ESRRB: variants seen among roughly 807,000 people sequenced by gnomAD.
ESRRB encodes steroid hormone receptor ERR2.
A neutral mutation model predicts 46.0 loss-of-function variants in ESRRB; 16 were observed. The observed-to-expected ratio is 0.35, with a 90% confidence interval of 0.24 to 0.53. The LOEUF (loss-of-function observed/expected upper bound fraction) is 0.53, where lower values mean the gene tolerates loss of function less well. Among genes scored for constraint, ESRRB ranks in the 20% least tolerant of loss-of-function variants. The pLI is 0.93. For missense variants in ESRRB, 488 were observed against 607.4 expected (o/e 0.80, Z 2.07); for synonymous variants, 246 against 259.6 (o/e 0.95, Z 0.50).
intron 1 of ESRRB, among the ~76,000 whole-genome samples, chr14:76,429,738 A>G (rs1887357717): frequency 1.3e-5 from 2 of 152,200 alleles, no homozygotes; most frequent in Non-Finnish European, 2.9e-5. Flanking sequence ...CAACAAGAGT[A>G]AAACTCTGTC....
intron 1 of ESRRB, among the ~76,000 whole-genome samples, chr14:76,354,037 C>T (rs1015187073): frequency 6.6e-6 from 1 of 152,140 alleles, no homozygotes; most frequent in Non-Finnish European, 1.5e-5. Context: ...CAGCCTGACT[C>T]CAAGCCTATG....
chr14:76,484,793 T>G (rs1889939942), intron 5 of ESRRB, among the ~76,000 whole-genome samples: 1 of 152,240 alleles, frequency 6.6e-6, no homozygotes, highest in African/African-American at 2.4e-5. Context: ...AGCCTGGGCT[T>G]TCATCTCAGC....
At chr14:76,477,680 G>A (rs1201950664) in intron 3 of ESRRB, among the ~76,000 whole-genome samples, 3 of 152,230 alleles carry the variant, frequency 2.0e-5, no homozygotes, top group Non-Finnish European at 4.4e-5. Context: ...CAGGAAGCAA[G>A]GGGAACAGAC....
chr14:76,323,925 A>G (rs572137456), intron 1 of ESRRB, among the ~76,000 whole-genome samples: 1 of 152,268 alleles, frequency 6.6e-6, no homozygotes, highest in East Asian at 1.9e-4. Context: ...TCTTCATCTG[A>G]CGAAGGCATG....
intron 2 of ESRRB, among the ~76,000 whole-genome samples, chr14:76,458,452 AC>A (rs1888708987): frequency 3.2e-5 from 3 of 93,320 alleles, no homozygotes; most frequent in African/African-American, 1.2e-4. Flanking sequence ...ACACACACAC[AC>A]ACACACACAC....
intron 2 of ESRRB, among the ~76,000 whole-genome samples, chr14:76,442,763 CAG>C (rs555651852): frequency 1.3e-5 from 2 of 151,076 alleles, no homozygotes; most frequent in African/African-American, 4.8e-5. Context: ...TAACAGGACT[CAG>C]ATTATTTTAG....
At chr14:76,338,819 T>C (rs2139748604) in intron 1 of ESRRB, among the ~76,000 whole-genome samples, 1 of 152,246 alleles carries the variant, frequency 6.6e-6, no homozygotes, top group South Asian at 2.1e-4. Context: ...TGTGGTGGCC[T>C]GTAATCCCAG....
intron 5 of ESRRB, among the ~76,000 whole-genome samples, chr14:76,490,891 T>C (rs576116392): frequency 6.6e-6 from 1 of 152,298 alleles, no homozygotes; most frequent in South Asian, 2.1e-4. Flanking sequence ...CCCCAGGCTA[T>C]GGTCACTGGG....
chr14:76,389,842 T>G (rs1344117838), intron 1 of ESRRB, among the ~76,000 whole-genome samples: 1 of 152,188 alleles, frequency 6.6e-6, no homozygotes, highest in African/African-American at 2.4e-5. Context: ...ACTCCTCACT[T>G]CCTCATATCT....
chr14:76,355,104 C>T (rs182970790), intron 1 of ESRRB, among the ~76,000 whole-genome samples: 4 of 152,180 alleles, frequency 2.6e-5, no homozygotes, highest in African/African-American at 7.2e-5. Context: ...AGATGTCACC[C>T]TTTGGGTATA....
At chr14:76,434,235 G>A (rs1887573534) in intron 1 of ESRRB, among the ~76,000 whole-genome samples, 1 of 152,202 alleles carries the variant, frequency 6.6e-6, no homozygotes, top group Non-Finnish European at 1.5e-5. Flanking sequence ...CAGAGGGTCT[G>A]GCCTCTCCAG....
In ESRRB at chr14:76,339,745, G is replaced by A. The variant is rs151280753; in HGVS notation, c.2+28829G>A. Among the ~76,000 whole-genome samples the A allele has an allele frequency of 8.8e-3, 1,347 of 152,292 alleles. 28 individuals carry two copies. The highest frequency in any genetic ancestry group is 0.031 in the African/African-American group (1,277 of 41,556). On this transcript the variant is annotated intron_variant, in intron 1 of 6. Transcript: ENST00000512784. Reference sequence around the variant, plus strand: ...AGCAGCCCCCCACACTCACAAGCCCGGGGCAGGGGGCTCTCCCAGCTGCCT... The same window carrying A: ...AGCAGCCCCCCACACTCACAAGCCCAGGGCAGGGGGCTCTCCCAGCTGCCT...
At chr14:76,388,992 C>T (rs902210193) in intron 1 of ESRRB, among the ~76,000 whole-genome samples, 2 of 152,176 alleles carry the variant, frequency 1.3e-5, no homozygotes, top group South Asian at 2.1e-4. Flanking sequence ...GACAGCATCA[C>T]ACTCTAAACC....
Position 76,439,376 on chromosome 14 carries a change from T to C in ESRRB, c.86T>C (p.Leu29Pro), listed in dbSNP as rs1386580189. 1.2e-6 allele frequency: 2 copies of C among 1,613,094 alleles called. No individual in the cohort carries two copies. Among genetic ancestry groups the C allele is most frequent in the Non-Finnish European group, 1.7e-6 (2 of 1,179,676 alleles). ...LNRMSSDDRH[L>P]GSSCGSFIKT... is the part of the protein sequence containing the mutation. ...AGGATGTCCTCGGACGACAGGCACC[T>C]GGGCTCCAGCTGCGGCTCCTTCATC... The change falls in exon 2 of 7, where the codon CTG (leucine) becomes CCG (proline). Residue 29 changes from leucine (L) to proline (P), a missense_variant. Transcript: ENST00000644823.
At chr14:76,346,582 C>A (rs186557365) in intron 1 of ESRRB, among the ~76,000 whole-genome samples, 3 of 152,312 alleles carry the variant, frequency 2.0e-5, no homozygotes, top group Admixed American at 2.0e-4. Context: ...CTGACCTGAG[C>A]CTGGATTTCT....
At chr14:76,332,385 A>G (rs1044900664) in intron 1 of ESRRB, among the ~76,000 whole-genome samples, 2 of 140,894 alleles carry the variant, frequency 1.4e-5, no homozygotes, top group Non-Finnish European at 3.0e-5. Flanking sequence ...TGCAGCCTCT[A>G]TCTCCTGGGC....
chr14:76,428,898 C>T (rs528086590), intron 1 of ESRRB, among the ~76,000 whole-genome samples: 27 of 152,230 alleles, frequency 1.8e-4, no homozygotes, highest in African/African-American at 5.5e-4. Flanking sequence ...ATCTTTCTAA[C>T]GACAAGATGC....
rs75118137 is a variant in ESRRB, at chr14:76,461,277, T to G, written c.461-1268T>G. ...CTCATCTGTAAAATGGGAATAGTAT[T>G]AGTACTTATTTTCTCTTTCATGGAA... On this transcript the variant is annotated intron_variant, in intron 2 of 6. Transcript: ENST00000644823. Among the ~76,000 whole-genome samples the G allele has an allele frequency of 6.8e-3, 1,034 of 152,238 alleles. 9 individuals are homozygous for G. The highest frequency in any genetic ancestry group is 0.024 in the African/African-American group (994 of 41,544).
intron 5 of ESRRB, among the ~76,000 whole-genome samples, chr14:76,487,906 A>G (rs1277447341): frequency 1.3e-5 from 2 of 152,204 alleles, no homozygotes; most frequent in Non-Finnish European, 2.9e-5. Flanking sequence ...CCTGGCCACT[A>G]GGAGAAATTT....
Sources: allele counts gnomAD v4.1 joint callset (sites outside exome capture counted in the v4.1 genomes callset), GRCh38; gene constraint gnomAD v4.1.1; transcripts MANE v1.5; gene names NCBI Gene and HGNC (gene_info 2026-07-23, HGNC 2026-07-21).